The following NCAM2 variants were observed in gnomAD, a reference collection of about 807,000 sequenced individuals.
NCAM2 encodes the protein neural cell adhesion molecule 2.
In NCAM2, 30 loss-of-function variants were observed where a neutral mutation model predicts 98.1. The ratio of observed to expected loss-of-function variants is 0.31; its 90% confidence interval spans 0.23 to 0.41. The LOEUF (loss-of-function observed/expected upper bound fraction) is 0.41. NCAM2 is among the 10% of genes least tolerant of loss of function. The pLI is 1.00. For synonymous variants in NCAM2, 368 were observed against 342.4 expected, an observed-to-expected ratio of 1.07 and a Z score of -0.83; for missense variants, 867 against 1,005.8, an observed-to-expected ratio of 0.86 and a Z score of 1.87.
At chr21:21,188,537 C>G (rs1287459154) in intron 1 of NCAM2, among the ~76,000 whole-genome samples, 1 of 152,124 alleles carries the variant, frequency 6.6e-6, no homozygotes, top group Non-Finnish European at 1.5e-5. Flanking sequence ...AAAGGAAGCT[C>G]TTATTAAACA....
At chr21:21,326,130 C>A (rs567944357) in intron 6 of NCAM2, among the ~76,000 whole-genome samples, 114 of 152,244 alleles carry the variant, frequency 7.5e-4, no homozygotes, top group African/African-American at 2.6e-3. Context: ...TCCTGACGTG[C>A]ACTTCATCAT....
At chr21:21,271,562 C>G (rs1303909788) in intron 1 of NCAM2, among the ~76,000 whole-genome samples, 1 of 152,018 alleles carries the variant, frequency 6.6e-6, no homozygotes, top group Non-Finnish European at 1.5e-5. Flanking sequence ...TATTTCTGTG[C>G]AGTGTGTTAT....
At chr21:21,482,090 T>TC (rs1009530361) in intron 15 of NCAM2, among the ~76,000 whole-genome samples, 8 of 151,546 alleles carry the variant, frequency 5.3e-5, no homozygotes, top group Non-Finnish European at 1.0e-4. Flanking sequence ...AGAGCAAGAC[T>TC]CCATCTCGAA....
At chr21:21,060,437 A>T (rs1601240059) in intron 1 of NCAM2, among the ~76,000 whole-genome samples, 1 of 152,248 alleles carries the variant, frequency 6.6e-6, no homozygotes, top group African/African-American at 2.4e-5. Flanking sequence ...TTATCTATTT[A>T]TCCAAAGTCT....
intron 1 of NCAM2, among the ~76,000 whole-genome samples, chr21:21,127,377 A>G (rs1376849822): frequency 6.6e-6 from 1 of 152,048 alleles, no homozygotes; most frequent in African/African-American, 2.4e-5. Context: ...TGATATTTTG[A>G]TACATGCATA....
intron 16 of NCAM2, among the ~76,000 whole-genome samples, chr21:21,515,568 G>T (rs1002134126): frequency 6.6e-6 from 1 of 150,726 alleles, no homozygotes; most frequent in Non-Finnish European, 1.5e-5. Flanking sequence ...TATCTCTAAT[G>T]TACTTTTTAA....
At chr21:21,155,368 T>C (rs993022875) in intron 1 of NCAM2, among the ~76,000 whole-genome samples, 2 of 151,748 alleles carry the variant, frequency 1.3e-5, no homozygotes, top group African/African-American at 4.8e-5. Context: ...CTCATTTTAA[T>C]AGCAGCTCAT....
intron 1 of NCAM2, among the ~76,000 whole-genome samples, chr21:21,059,343 T>C (rs2146322950): frequency 6.6e-6 from 1 of 152,186 alleles, no homozygotes; most frequent in Admixed American, 6.5e-5. Context: ...AGAGAGGGTA[T>C]TGGAAGAAAA....
At chr21:21,512,783 T>C (rs1017478161) in intron 16 of NCAM2, among the ~76,000 whole-genome samples, 2 of 152,070 alleles carry the variant, frequency 1.3e-5, no homozygotes, top group African/African-American at 4.8e-5. Context: ...ATCGTTTTCA[T>C]TGTAGAGATG....
At chr21:21,415,140 C>G (rs2076963769) in intron 10 of NCAM2, among the ~76,000 whole-genome samples, 1 of 151,836 alleles carries the variant, frequency 6.6e-6, no homozygotes, top group African/African-American at 2.4e-5. Flanking sequence ...ATGGCTTGAA[C>G]TTAAGTCACT....
chr21:21,316,923 G>A lies in NCAM2; in HGVS notation c.620-7460G>A, dbSNP rs952350446. 4.6e-5 allele frequency among the ~76,000 whole-genome samples: 7 copies of A among 151,956 alleles called. No homozygotes were observed. The East Asian group carries it at 7.7e-4, about 17-fold the overall frequency. On this transcript the variant is annotated intron_variant, in intron 5 of 17. Coordinates refer to ENST00000400546, the MANE Select transcript of NCAM2 (RefSeq NM_004540.5). ...TGGACCATTAGCACATAAACCCCCC[G>A]GTGCCAAATTCAAAAATTTACACAT...
intron 8 of NCAM2, 62 bp from the exon 9 acceptor site, chr21:21,373,801 T>G: frequency 7.3e-7 from 1 of 1,372,478 alleles, no homozygotes; most frequent in Non-Finnish European, 9.8e-7. Context: ...TGTTATATGT[T>G]TGGTCACCAT....
chr21:21,048,584 AC>A (rs1280882563), intron 1 of NCAM2, among the ~76,000 whole-genome samples: 1 of 152,100 alleles, frequency 6.6e-6, no homozygotes, highest in African/African-American at 2.4e-5. Context: ...TGATCTCCTG[AC>A]CTCGTGATCC....
chr21:21,411,875 C>G (rs2076894202), intron 10 of NCAM2, among the ~76,000 whole-genome samples: 1 of 152,066 alleles, frequency 6.6e-6, no homozygotes, highest in African/African-American at 2.4e-5. Flanking sequence ...ACCGCTATGT[C>G]TAAATCAATT....
intron 11 of NCAM2, among the ~76,000 whole-genome samples, chr21:21,423,604 C>A (rs1367022909): frequency 6.6e-6 from 1 of 151,992 alleles, no homozygotes; most frequent in Non-Finnish European, 1.5e-5. Context: ...CATTTAGGAG[C>A]TTGTACTACC....
intron 9 of NCAM2, among the ~76,000 whole-genome samples, chr21:21,383,874 C>T (rs2076209780): frequency 6.6e-6 from 1 of 151,884 alleles, no homozygotes; most frequent in Non-Finnish European, 1.5e-5. Flanking sequence ...TTCTCAAAAA[C>T]ATTATTTTTG....
At chr21:21,062,269 A>C (rs2065338429) in intron 1 of NCAM2, among the ~76,000 whole-genome samples, 1 of 152,192 alleles carries the variant, frequency 6.6e-6, no homozygotes, top group Non-Finnish European at 1.5e-5. Context: ...GCTGATTTAC[A>C]GAAATATCTC....
intron 1 of NCAM2, among the ~76,000 whole-genome samples, chr21:21,216,607 G>T (rs2069910714): frequency 1.3e-5 from 2 of 152,202 alleles, no homozygotes; most frequent in African/African-American, 4.8e-5. Context: ...ATAGCCAAAT[G>T]CATTGTCCTG....
At chr21:21,303,218 GA>G (rs113495025) in intron 5 of NCAM2, among the ~76,000 whole-genome samples, 3 of 145,198 alleles carry the variant, frequency 2.1e-5, no homozygotes. Context: ...ATCTAAAGTT[GA>G]AAAAAAAAAG....
Sources: gnomAD v4.1 joint callset for allele counts (sites outside exome capture counted in the v4.1 genomes callset) on GRCh38, gnomAD v4.1.1 for gene constraint, MANE v1.5 for transcripts, NCBI Gene and HGNC (gene_info 2026-07-23, HGNC 2026-07-21) for gene names.